KALRN: variants seen among roughly 807,000 people sequenced by gnomAD.
KALRN encodes kalirin RhoGEF kinase.
Under a neutral mutation model 353.7 loss-of-function variants are expected in KALRN, and 70 were observed. The ratio of observed to expected loss-of-function variants is 0.20; its 90% CI spans 0.16 to 0.24. KALRN has a LOEUF of 0.24. KALRN is among the 10% of genes least tolerant of loss of function. The pLI is 1.00. For synonymous variants in KALRN, 1,391 were observed against 1,434.8 expected, an observed-to-expected ratio of 0.97 and a Z score of 0.69; for missense variants, 2,791 against 3,756.7, an observed-to-expected ratio of 0.74 and a Z score of 6.72.
chr3:124,279,610 G>A (rs2075138683), intron 5 of KALRN, among the ~76,000 whole-genome samples: 1 of 152,210 alleles, frequency 6.6e-6, no homozygotes, highest in Admixed American at 6.5e-5. Flanking sequence ...TCATCAGTGG[G>A]TATTAGACAC....
intron 37 of KALRN, among the ~76,000 whole-genome samples, chr3:124,638,503 C>G (rs1301823666): frequency 6.6e-6 from 1 of 152,218 alleles, no homozygotes; most frequent in South Asian, 2.1e-4. Flanking sequence ...CACTTGCTCT[C>G]CCTCTCCACA....
intron 1 of KALRN, among the ~76,000 whole-genome samples, chr3:124,146,694 A>G (rs190628022): frequency 1.0e-3 from 157 of 152,176 alleles, no homozygotes; most frequent in African/African-American, 3.6e-3. Flanking sequence ...TCTGGTCAAC[A>G]TGGTGAAACC....
At chr3:124,151,810 T>A (rs2068145977) in intron 1 of KALRN, 1 of 359,360 alleles carries the variant, frequency 2.8e-6, no homozygotes, top group African/African-American at 2.1e-5. Context: ...CTTTATTGTT[T>A]TACTTCTCAC....
chr3:124,519,635 T>C (rs767024942), intron 33 of KALRN: 1 of 985,382 alleles, frequency 1.0e-6, no homozygotes, highest in Non-Finnish European at 1.2e-6. Context: ...AGGATGTGAC[T>C]TGTTCAGTGT....
rs147667130 is a variant in KALRN, at chr3:124,384,916, C to T, written c.1842C>T (p.Pro614=). 3 of 1,613,936 alleles carry T rather than the reference C, an allele frequency of 1.9e-6. No individual in the cohort carries two copies. Among genetic ancestry groups the T allele is most frequent in the Non-Finnish European group, 1.7e-6 (2 of 1,179,922 alleles). Residue 614 remains proline (P), a synonymous_variant, in exon 11 of 60, where the codon CCC becomes CCT. Transcript: ENST00000682506. ...TGGCTCAGACGGGGGAATGTGACCC[C>T]GAGGAGATCTACAAGGCAGCTCGAC... is the stretch of plus-strand genomic sequence containing the variant. ...EQLAQTGECD[P]EEIYKAARHL...
intron 33 of KALRN, among the ~76,000 whole-genome samples, chr3:124,529,125 A>C (rs2067832844): frequency 6.6e-6 from 1 of 152,212 alleles, no homozygotes. Flanking sequence ...TAATTGCCAC[A>C]GGATAAGTTC....
At chr3:124,455,492 T>A (rs1560997212) in intron 22 of KALRN, 133 bp downstream of exon 22, 1 of 805,750 alleles carries the variant, frequency 1.2e-6, no homozygotes, top group Non-Finnish European at 1.9e-6. Context: ...AGCGCTTGAC[T>A]TGTGTGGCTT....
chr3:124,508,207 A>T (rs1393953496), intron 33 of KALRN, among the ~76,000 whole-genome samples: 1 of 152,232 alleles, frequency 6.6e-6, no homozygotes, highest in African/African-American at 2.4e-5. Flanking sequence ...GATAATTATG[A>T]AGTGAACATA....
intron 6 of KALRN, among the ~76,000 whole-genome samples, chr3:124,304,505 A>G (rs1265423127): frequency 2.0e-5 from 3 of 152,234 alleles, no homozygotes; most frequent in Non-Finnish European, 4.4e-5. Flanking sequence ...AAAAGAAAAC[A>G]TTATACATTC....
intron 21 of KALRN, among the ~76,000 whole-genome samples, chr3:124,451,274 G>T (rs1220939231): frequency 6.6e-6 from 1 of 152,040 alleles, no homozygotes; most frequent in East Asian, 1.9e-4. Context: ...AAAAGAGAGA[G>T]TGGGGAGGGA....
At chr3:124,426,191 G>A (rs1343515408) in intron 15 of KALRN, among the ~76,000 whole-genome samples, 2 of 152,194 alleles carry the variant, frequency 1.3e-5, no homozygotes, top group Admixed American at 1.3e-4. Flanking sequence ...CAGTTTCAGA[G>A]AAGGCATTTG....
chr3:124,325,760 A>G (rs1455149453), intron 6 of KALRN, among the ~76,000 whole-genome samples: 2 of 152,216 alleles, frequency 1.3e-5, no homozygotes, highest in African/African-American at 2.4e-5. Flanking sequence ...CACAAAATCT[A>G]TGCTGGTTCC....
At chr3:124,437,987 T>G (rs537307052) in intron 17 of KALRN, among the ~76,000 whole-genome samples, 30 of 152,332 alleles carry the variant, frequency 2.0e-4, no homozygotes, top group East Asian at 1.2e-3. Flanking sequence ...TGTTTTTATT[T>G]GTATTATTTT....
rs1347275907 is a variant in KALRN, at chr3:124,406,812, G to A, written c.2347-6658G>A. ...TTTTACTAACTTTACTAATTGTGTG[G>A]CCTTAAGCAAGTTGCTTTGCTTTTT... On this transcript the variant is annotated intron_variant, in intron 13 of 59. Coordinates refer to ENST00000682506, the MANE Select transcript of KALRN (RefSeq NM_001388419.1). 2.0e-5 allele frequency among the ~76,000 whole-genome samples: 3 copies of A among 147,906 alleles called. No individual in the cohort carries two copies. In the East Asian group the frequency reaches 6.0e-4, roughly 30 times the overall value.
At chr3:124,276,652 C>T (rs940816091) in intron 5 of KALRN, among the ~76,000 whole-genome samples, 10 of 152,188 alleles carry the variant, frequency 6.6e-5, no homozygotes, top group Admixed American at 2.0e-4. Flanking sequence ...TAATTCTTTT[C>T]GGAATGTTCA....
chr3:124,219,869 CCT>C (rs746481496), intron 1 of KALRN, among the ~76,000 whole-genome samples: 88 of 145,208 alleles, frequency 6.1e-4, no homozygotes, highest in Admixed American at 5.5e-4. Context: ...AGCTGCCCAG[CCT>C]CTCTCTCTCT....
chr3:124,456,759 C>A, intron 23 of KALRN, 31 bp downstream of exon 23: 1 of 1,469,302 alleles, frequency 6.8e-7, no homozygotes, highest in Non-Finnish European at 9.5e-7. Flanking sequence ...AGCTAGCTGG[C>A]TCCCCGTGAC....
At chr3:124,510,286 G>T (rs1434670092) in intron 33 of KALRN, among the ~76,000 whole-genome samples, 1 of 152,188 alleles carries the variant, frequency 6.6e-6, no homozygotes, top group Non-Finnish European at 1.5e-5. Flanking sequence ...TTGGGAGCAA[G>T]GAGGAAGATC....
At chr3:124,190,924 C>T (rs1391072822) in intron 1 of KALRN, among the ~76,000 whole-genome samples, 1 of 152,180 alleles carries the variant, frequency 6.6e-6, no homozygotes, top group Non-Finnish European at 1.5e-5. Flanking sequence ...CTTCAGATAC[C>T]AATCATCAGC....
Sources: allele counts gnomAD v4.1 joint callset (sites outside exome capture counted in the v4.1 genomes callset), GRCh38; gene constraint gnomAD v4.1.1; transcripts MANE v1.5; gene names NCBI Gene and HGNC (gene_info 2026-07-23, HGNC 2026-07-21).